SLC25A53: variants seen among roughly 807,000 people sequenced by gnomAD.
SLC25A53 encodes the protein solute carrier family 25 member 53.
SLC25A53 carries 5 observed loss-of-function variants against 15.0 expected under a neutral mutation model. That is an observed-to-expected ratio of 0.33 (90% CI 0.17 to 0.70). SLC25A53 has a LOEUF of 0.70. SLC25A53 is among the 30% of genes least tolerant of loss of function. The probability of loss-of-function intolerance (pLI) is 0.67; values close to 1 mark genes in which losing one functional copy is unlikely to be tolerated. For synonymous variants in SLC25A53, 95 were observed against 100.0 expected (o/e 0.95, Z 0.30); for missense variants, 216 against 241.6 (o/e 0.89, Z 0.70).
At chrX:104,151,360 C>T (rs975308357) in intron 1 of SLC25A53, among the ~76,000 whole-genome samples, 2 of 111,513 alleles carry the variant, frequency 1.8e-5, no homozygotes, top group Non-Finnish European at 3.8e-5. Flanking sequence ...CTGCCACCTC[C>T]TCCTCCTCCT....
chrX:104,143,588 A>G (rs2075457255), intron 1 of SLC25A53, among the ~76,000 whole-genome samples: 1 of 112,135 alleles, frequency 8.9e-6, no homozygotes, highest in Non-Finnish European at 1.9e-5. Flanking sequence ...AGCCTCCAAG[A>G]AATATGGGAC....
intron 1 of SLC25A53, among the ~76,000 whole-genome samples, chrX:104,129,033 AT>A (rs1326540425): frequency 1.8e-5 from 2 of 111,797 alleles, no homozygotes; most frequent in African/African-American, 6.5e-5. Flanking sequence ...TATATGCAGT[AT>A]TTTATAGTAA....
chrX:104,150,994 A>G (rs2075483242), intron 1 of SLC25A53, among the ~76,000 whole-genome samples: 1 of 111,789 alleles, frequency 8.9e-6, no homozygotes, highest in African/African-American at 3.3e-5. Context: ...CCATCCCCTG[A>G]ATTCTAGCTT....
rs1475508094 is a variant in SLC25A53 at position 104,102,926 on chromosome X, T to C, written c.*1408A>G. 9.2e-6 allele frequency: 1 copy of C among 108,657 alleles called. No individual in the cohort carries two copies. Among genetic ancestry groups the C allele is most frequent in the Non-Finnish European group, 1.9e-5 (1 of 52,385 alleles). 9.0% of individuals were successfully genotyped at this position (108,657 alleles called of 1,213,427 possible). A position where few individuals can be genotyped will look rare whatever the true frequency, so the allele number is the denominator to read the frequency against. On this transcript the variant is annotated 3_prime_UTR_variant, in exon 2 of 2. Transcript: ENST00000594199. ...GAGGTGGGTGGATCACCTGATGAGGTTGGGAGTTCGAGACCAGCCTGACCA... is the reference window on the plus strand; with the variant it reads ...GAGGTGGGTGGATCACCTGATGAGGCTGGGAGTTCGAGACCAGCCTGACCA...
intron 1 of SLC25A53, among the ~76,000 whole-genome samples, chrX:104,123,566 T>A (rs1248735462): frequency 9.0e-6 from 1 of 111,660 alleles, no homozygotes; most frequent in Non-Finnish European, 1.9e-5. Context: ...TTACTTTTTT[T>A]CCCTTTTTTT....
At chrX:104,142,705 G>A (rs1349184458) in intron 1 of SLC25A53, among the ~76,000 whole-genome samples, 1 of 108,236 alleles carries the variant, frequency 9.2e-6, no homozygotes, top group Non-Finnish European at 1.9e-5. Context: ...CTCGAGGTCA[G>A]GAGATGGAGA....
At chrX:104,146,142 G>T (rs1294149057) in intron 1 of SLC25A53, among the ~76,000 whole-genome samples, 1 of 111,924 alleles carries the variant, frequency 8.9e-6, no homozygotes, top group Non-Finnish European at 1.9e-5. Context: ...GGGATGCAAG[G>T]CTGGTTCACC....
intron 1 of SLC25A53, among the ~76,000 whole-genome samples, chrX:104,148,166 T>C (rs1414331859): frequency 3.8e-5 from 4 of 106,230 alleles, no homozygotes; most frequent in East Asian, 3.0e-4. Flanking sequence ...ATGGATGAAA[T>C]TGGAAATCAT....
At chrX:104,115,344 T>G in intron 1 of SLC25A53, 4 of 1,133,057 alleles carry the variant, frequency 3.5e-6, no homozygotes, top group Non-Finnish European at 4.7e-6. Context: ...CAGCCCTAAA[T>G]GAGTCCTTGA....
At chrX:104,114,781 G>A in intron 1 of SLC25A53, 1 of 1,211,742 alleles carries the variant, frequency 8.3e-7, no homozygotes, top group Non-Finnish European at 1.1e-6. Flanking sequence ...GGATTGGGAT[G>A]ATGCTTTTAT....
chrX:104,104,364 C>A lies in SLC25A53; in HGVS notation c.894G>T (p.Ser298=). 1.7e-6 allele frequency: 2 copies of A among 1,210,300 alleles called. No homozygotes were observed. The highest frequency in any genetic ancestry group is 2.2e-6 in the Non-Finnish European group (2 of 894,698). The change falls in exon 2 of 2, where the codon TCG becomes TCT. Residue 298 remains serine (S), a synonymous_variant. Coordinates refer to ENST00000594199, the MANE Select transcript of SLC25A53 (RefSeq NM_001012755.5). ...TAIHDFLQRK[S]HSRKELKTD ...CAGTCTTCAGCTCTTTCCTGGAGTGCGACTTCCTCTGCAGGAAGTCATGGA... is the reference window on the plus strand; with the variant it reads ...CAGTCTTCAGCTCTTTCCTGGAGTGAGACTTCCTCTGCAGGAAGTCATGGA...
At chrX:104,106,206 C>A (rs2075308991) in intron 1 of SLC25A53, among the ~76,000 whole-genome samples, 1 of 110,820 alleles carries the variant, frequency 9.0e-6, no homozygotes, top group Admixed American at 9.6e-5. Flanking sequence ...GCAAGGACCC[C>A]AAACTATTGC....
At chrX:104,111,008 A>C (rs1556358198) in intron 1 of SLC25A53, among the ~76,000 whole-genome samples, 1 of 112,782 alleles carries the variant, frequency 8.9e-6, no homozygotes, top group East Asian at 2.8e-4. Context: ...TTCTTTGCAT[A>C]CAATTCCAGG....
intron 1 of SLC25A53, among the ~76,000 whole-genome samples, chrX:104,156,507 A>G (rs1193197615): frequency 1.8e-5 from 2 of 111,166 alleles, no homozygotes; most frequent in African/African-American, 6.6e-5. Context: ...AGGGACCTAG[A>G]TCTTTCCAAT....
intron 1 of SLC25A53, among the ~76,000 whole-genome samples, chrX:104,119,037 G>A (rs2075385935): frequency 9.0e-6 from 1 of 111,579 alleles, no homozygotes. Context: ...CTATGCTTTT[G>A]GTGCAAATGG....
intron 1 of SLC25A53, chrX:104,115,173 G>A (rs2075371747): frequency 7.4e-6 from 9 of 1,209,795 alleles, no homozygotes; most frequent in Non-Finnish European, 1.0e-5. Flanking sequence ...ATTGTGGGGA[G>A]GAGGGCCACT....
intron 1 of SLC25A53, among the ~76,000 whole-genome samples, chrX:104,120,215 A>G (rs1263404732): frequency 1.8e-5 from 2 of 111,900 alleles, no homozygotes; most frequent in African/African-American, 6.5e-5. Context: ...ATGTGCACAC[A>G]CAAGGTATAT....
chrX:104,114,237 G>C, intron 1 of SLC25A53: 5 of 1,208,986 alleles, frequency 4.1e-6, no homozygotes, highest in Non-Finnish European at 5.6e-6. Flanking sequence ...AAATGGCAGA[G>C]AGAAACATGA....
At chrX:104,116,355 G>A (rs1219606658) in intron 1 of SLC25A53, among the ~76,000 whole-genome samples, 1 of 111,411 alleles carries the variant, frequency 9.0e-6, no homozygotes, top group Non-Finnish European at 1.9e-5. Context: ...AAGGCAAGGA[G>A]TGGAGTGAAA....
Sources: allele counts gnomAD v4.1 joint callset (sites outside exome capture counted in the v4.1 genomes callset), GRCh38; gene constraint gnomAD v4.1.1; transcripts MANE v1.5; gene names NCBI Gene and HGNC (gene_info 2026-07-23, HGNC 2026-07-21).